Variants in MSN observed in about 807,000 individuals in gnomAD.
MSN encodes epididymis luminal protein 70.
In MSN, 2 loss-of-function variants were observed where a neutral mutation model predicts 48.0. The ratio of observed to expected loss-of-function variants is 0.04; its 90% CI spans 0.02 to 0.13. The LOEUF is 0.13. Ranked by LOEUF, MSN falls within the 10% of genes least tolerant of loss-of-function variation. The pLI is 1.00. For synonymous variants in MSN, 146 were observed against 166.9 expected, an observed-to-expected ratio of 0.87 and a Z score of 0.97; for missense variants, 267 against 470.1, an observed-to-expected ratio of 0.57 and a Z score of 3.99.
intron 1 of MSN, among the ~76,000 whole-genome samples, chrX:65,589,935 G>A (rs756866434): frequency 1.9e-5 from 2 of 106,623 alleles, no homozygotes; most frequent in Admixed American, 1.0e-4. Flanking sequence ...GCACAATCTC[G>A]ACTCAATGCA....
At chrX:65,648,295 G>A (rs1602749565) in intron 1 of MSN, among the ~76,000 whole-genome samples, 1 of 112,328 alleles carries the variant, frequency 8.9e-6, no homozygotes, top group African/African-American at 3.2e-5. Flanking sequence ...GCTCACGCCT[G>A]TAATCCCAGC....
At chrX:65,611,235 C>T (rs767476379) in intron 1 of MSN, among the ~76,000 whole-genome samples, 1 of 107,226 alleles carries the variant, frequency 9.3e-6, no homozygotes, top group African/African-American at 3.4e-5. Flanking sequence ...TCTTGGCTCA[C>T]TGCAACCTCC....
intron 1 of MSN, among the ~76,000 whole-genome samples, chrX:65,641,672 C>G (rs1305756791): frequency 1.1e-5 from 1 of 92,728 alleles, no homozygotes; most frequent in Non-Finnish European, 2.1e-5. Flanking sequence ...GATAATAGCT[C>G]TTGTATCCAT....
chrX:65,595,546 C>T (rs1463854013), intron 1 of MSN, among the ~76,000 whole-genome samples: 3 of 111,904 alleles, frequency 2.7e-5, no homozygotes, highest in African/African-American at 6.5e-5. Flanking sequence ...ATCTCTTGCG[C>T]CCCCCTCTGG....
chrX:65,716,739 G>T, intron 1 of MSN, 79 bp from the exon 2 acceptor site: 1 of 903,646 alleles, frequency 1.1e-6, no homozygotes, highest in South Asian at 2.1e-5. Context: ...TTCCTCTGTG[G>T]TTGAGCAGAG....
At chrX:65,650,345 C>T (rs759149671) in intron 1 of MSN, among the ~76,000 whole-genome samples, 1 of 112,215 alleles carries the variant, frequency 8.9e-6, no homozygotes, top group Non-Finnish European at 1.9e-5. Context: ...CCCTTGGCCT[C>T]CCAAAGTGCT....
chrX:65,639,030 C>A (rs2070628082), intron 1 of MSN, among the ~76,000 whole-genome samples: 3 of 112,547 alleles, frequency 2.7e-5, no homozygotes, highest in South Asian at 3.6e-4. Context: ...AATTTGTGGA[C>A]CTTTAGATAT....
At chrX:65,694,490 G>C (rs763565718) in intron 1 of MSN, among the ~76,000 whole-genome samples, 151 of 110,261 alleles carry the variant, frequency 1.4e-3, no homozygotes, top group Non-Finnish European at 2.2e-3. Context: ...CACCACGCCC[G>C]GCTAATTTTT....
chrX:65,653,707 C>A (rs1249351558), intron 1 of MSN, among the ~76,000 whole-genome samples: 1 of 109,898 alleles, frequency 9.1e-6, no homozygotes, highest in East Asian at 2.9e-4. Flanking sequence ...TCTGGGGGCC[C>A]AGGAAGACTC....
chrX:65,727,053 C>A (rs2071574683), intron 2 of MSN, among the ~76,000 whole-genome samples: 2 of 111,557 alleles, frequency 1.8e-5, no homozygotes, highest in Admixed American at 1.9e-4. Flanking sequence ...ACCCTCATTT[C>A]CACCCTAAAC....
chrX:65,725,073 A>G (rs2071555123), intron 2 of MSN, among the ~76,000 whole-genome samples: 2 of 112,311 alleles, frequency 1.8e-5, no homozygotes, highest in African/African-American at 6.5e-5. Context: ...TAGTGGCTGT[A>G]AAGTCCAAGA....
At chrX:65,654,283 A>AT (rs1245312485) in intron 1 of MSN, among the ~76,000 whole-genome samples, 73 of 101,031 alleles carry the variant, frequency 7.2e-4, no homozygotes, top group East Asian at 1.9e-3. Flanking sequence ...TTTTTTATTT[A>AT]TTTTTTTTTT....
At chrX:65,629,920 T>C (rs980807452) in intron 1 of MSN, among the ~76,000 whole-genome samples, 1 of 111,949 alleles carries the variant, frequency 8.9e-6, no homozygotes, top group Non-Finnish European at 1.9e-5. Context: ...GGCTCACACC[T>C]GTAATCCTAG....
intron 2 of MSN, among the ~76,000 whole-genome samples, chrX:65,722,031 A>G (rs2071521966): frequency 8.9e-6 from 1 of 112,048 alleles, no homozygotes; most frequent in South Asian, 3.7e-4. Flanking sequence ...ACAGTGAGCT[A>G]TGATTGCACC....
At chrX:65,692,936 A>G (rs1191634049) in intron 1 of MSN, among the ~76,000 whole-genome samples, 1 of 111,838 alleles carries the variant, frequency 8.9e-6, no homozygotes, top group Non-Finnish European at 1.9e-5. Flanking sequence ...CACCTCGGCC[A>G]GCGTTGTTTT....
chrX:65,646,469 T>C (rs2070695547), intron 1 of MSN, among the ~76,000 whole-genome samples: 1 of 111,970 alleles, frequency 8.9e-6, no homozygotes, highest in African/African-American at 3.3e-5. Flanking sequence ...CTCATTATTT[T>C]TTGCCTGAGC....
At chrX:65,715,871 G>A (rs2071459242) in intron 1 of MSN, among the ~76,000 whole-genome samples, 1 of 111,730 alleles carries the variant, frequency 9.0e-6, no homozygotes, top group African/African-American at 3.3e-5. Context: ...TGTTGAATAT[G>A]AGTGGTGAGA....
At chrX:65,626,548 T>G (rs1235058397) in intron 1 of MSN, among the ~76,000 whole-genome samples, 1 of 111,174 alleles carries the variant, frequency 9.0e-6, no homozygotes, top group Non-Finnish European at 1.9e-5. Flanking sequence ...GTTTCTGGGT[T>G]TTTTTTTAAA....
intron 1 of MSN, chrX:65,588,904 C>A: frequency 7.3e-6 from 1 of 137,428 alleles, no homozygotes; most frequent in Non-Finnish European, 1.5e-5. Flanking sequence ...CTCATTAAGC[C>A]CAAAGCAATT....
Sources: allele counts gnomAD v4.1 joint callset (sites outside exome capture counted in the v4.1 genomes callset), GRCh38; gene constraint gnomAD v4.1.1; transcripts MANE v1.5; gene names NCBI Gene and HGNC (gene_info 2026-07-23, HGNC 2026-07-21).